TEAD1: variants seen among roughly 807,000 people sequenced by gnomAD.
TEAD1 encodes transcriptional enhancer factor TEF-1.
Under a neutral mutation model 54.9 loss-of-function variants are expected in TEAD1, and 9 were observed. The ratio of observed to expected loss-of-function variants is 0.16; its 90% CI spans 0.10 to 0.29. The LOEUF (loss-of-function observed/expected upper bound fraction) is 0.29. Ranked by LOEUF, TEAD1 falls within the 10% of genes least tolerant of loss-of-function variation. TEAD1 has a pLI of 1.00. For missense variants in TEAD1, 387 were observed against 535.9 expected (o/e 0.72, Z 2.74); for synonymous variants, 200 against 187.8 (o/e 1.07, Z -0.53).
rs571703180 is a variant in TEAD1 at position 12,900,005 on chromosome 11, T to G, written c.700-1935T>G. ...TCCTTCAGGATATATTTCATAGGGTTTTGTGACCAACTGAGTTTGAGAAAC... is the reference window on the plus strand; with the variant it reads ...TCCTTCAGGATATATTTCATAGGGTGTTGTGACCAACTGAGTTTGAGAAAC... On this transcript the variant is annotated intron_variant, in intron 9 of 12. Coordinates refer to ENST00000527636, the MANE Select transcript of TEAD1 (RefSeq NM_021961.6). 2.6e-5 allele frequency among the ~76,000 whole-genome samples: 4 copies of G among 152,370 alleles called. No homozygotes were observed. The East Asian group carries it at 7.7e-4, about 29-fold the overall frequency.
chr11:12,717,141 C>G (rs4501963), intron 2 of TEAD1, among the ~76,000 whole-genome samples: 2 of 152,256 alleles, frequency 1.3e-5, no homozygotes, highest in African/African-American at 4.8e-5. Flanking sequence ...TGTAGTTATA[C>G]TGATCATAGA....
chr11:12,892,447 C>G (rs1948215448), intron 9 of TEAD1, among the ~76,000 whole-genome samples: 1 of 152,142 alleles, frequency 6.6e-6, no homozygotes, highest in Non-Finnish European at 1.5e-5. Context: ...CATTCAAGAC[C>G]AGCCTGGCCA....
chr11:12,790,581 T>C (rs1945778694), intron 3 of TEAD1, among the ~76,000 whole-genome samples: 1 of 152,216 alleles, frequency 6.6e-6, no homozygotes, highest in Non-Finnish European at 1.5e-5. Context: ...TTTCCCCAGG[T>C]TCATCTCCCA....
At chr11:12,804,534 A>G (rs1255298310) in intron 3 of TEAD1, among the ~76,000 whole-genome samples, 1 of 152,214 alleles carries the variant, frequency 6.6e-6, no homozygotes, top group East Asian at 1.9e-4. Flanking sequence ...CTTAGTTAAT[A>G]CCTAAGAGTG....
At chr11:12,768,308 A>C (rs1945248301) in intron 3 of TEAD1, among the ~76,000 whole-genome samples, 1 of 152,220 alleles carries the variant, frequency 6.6e-6, no homozygotes, top group Admixed American at 6.5e-5. Flanking sequence ...TAGAAGAATT[A>C]AATGAACTAA....
At chr11:12,906,183 TTAAGATCTTTC>T (rs1412283242) in intron 10 of TEAD1, among the ~76,000 whole-genome samples, 1 of 152,078 alleles carries the variant, frequency 6.6e-6, no homozygotes, top group East Asian at 1.9e-4. Flanking sequence ...TGTTTATCTG[TTAAGATCTTTC>T]TAAAGAGCCT....
chr11:12,899,546 G>A (rs1003923100), intron 9 of TEAD1, among the ~76,000 whole-genome samples: 2 of 152,226 alleles, frequency 1.3e-5, no homozygotes, highest in South Asian at 2.1e-4. Flanking sequence ...GCTCAAAGAT[G>A]TTCCCTCCTA....
At chr11:12,765,386 C>T (rs977022409) in intron 3 of TEAD1, among the ~76,000 whole-genome samples, 3 of 152,180 alleles carry the variant, frequency 2.0e-5, no homozygotes, top group African/African-American at 7.2e-5. Context: ...GTAGCTGAGT[C>T]TAAAAAGATG....
intron 10 of TEAD1, among the ~76,000 whole-genome samples, chr11:12,906,454 T>G (rs1049945919): frequency 6.6e-6 from 1 of 150,822 alleles, no homozygotes; most frequent in Admixed American, 6.6e-5. Context: ...GGCAGGAGAA[T>G]GGCGTGAACC....
intron 2 of TEAD1, among the ~76,000 whole-genome samples, chr11:12,696,268 T>A (rs1428692464): frequency 6.6e-6 from 1 of 152,240 alleles, no homozygotes; most frequent in Non-Finnish European, 1.5e-5. Flanking sequence ...TAGGACCAGC[T>A]CACCCACCTT....
chr11:12,888,863 A>G (rs1948141512), intron 9 of TEAD1, among the ~76,000 whole-genome samples: 1 of 152,218 alleles, frequency 6.6e-6, no homozygotes, highest in Non-Finnish European at 1.5e-5. Context: ...AAAAGGCTAT[A>G]CGGTCCATTT....
At chr11:12,750,827 ACT>A (rs1944855214) in intron 2 of TEAD1, among the ~76,000 whole-genome samples, 1 of 151,900 alleles carries the variant, frequency 6.6e-6, no homozygotes, top group African/African-American at 2.4e-5. Context: ...TCCCTGAGAA[ACT>A]CTCATTGATC....
chr11:12,816,312 T>C lies in TEAD1; in HGVS notation c.203-45938T>C, dbSNP rs192501336. Among the ~76,000 whole-genome samples the C allele has an allele frequency of 5.3e-5, 8 of 152,328 alleles. 1 individual carries two copies. In the Middle Eastern group the frequency reaches 0.014, roughly 259 times the overall value. Reference sequence around the variant, plus strand: ...GCCCTCTGGAAATCCCCTGTAGGATTTTGGAGGAGCATTCTGAGAACGGTT... The same window carrying C: ...GCCCTCTGGAAATCCCCTGTAGGATCTTGGAGGAGCATTCTGAGAACGGTT... On this transcript the variant is annotated intron_variant, in intron 3 of 12. Transcript: ENST00000527636.
intron 5 of TEAD1, among the ~76,000 whole-genome samples, chr11:12,867,193 T>C (rs568450866): frequency 1.2e-4 from 19 of 152,204 alleles, no homozygotes; most frequent in Admixed American, 9.2e-4. Context: ...AAACGAATCA[T>C]TGTTTTAGAT....
intron 3 of TEAD1, among the ~76,000 whole-genome samples, chr11:12,854,184 T>G (rs1947327287): frequency 6.6e-6 from 1 of 152,200 alleles, no homozygotes; most frequent in African/African-American, 2.4e-5. Context: ...GGATATGCTG[T>G]GGGACTGGTT....
chr11:12,917,176 A>G (rs1948730255), intron 10 of TEAD1, among the ~76,000 whole-genome samples: 1 of 152,172 alleles, frequency 6.6e-6, no homozygotes, highest in African/African-American at 2.4e-5. Context: ...GAGGGAGACA[A>G]AAAAAGACAT....
chr11:12,693,295 A>G (rs1258400164), intron 2 of TEAD1, among the ~76,000 whole-genome samples: 3 of 152,256 alleles, frequency 2.0e-5, no homozygotes, highest in Non-Finnish European at 4.4e-5. Context: ...ACAGAATTTC[A>G]GCCTTCTAGC....
chr11:12,931,636 A>C (rs180802676), intron 12 of TEAD1, among the ~76,000 whole-genome samples: 2 of 152,066 alleles, frequency 1.3e-5, no homozygotes. Context: ...TCTAATTTAT[A>C]CCTTTTACCT....
chr11:12,701,016 A>G (rs773078212), intron 2 of TEAD1, among the ~76,000 whole-genome samples: 18 of 152,176 alleles, frequency 1.2e-4, no homozygotes, highest in Non-Finnish European at 1.6e-4. Flanking sequence ...TAGAGTTTAG[A>G]TTTTGAGCAA....
Sources: allele counts gnomAD v4.1 joint callset (sites outside exome capture counted in the v4.1 genomes callset), GRCh38; gene constraint gnomAD v4.1.1; transcripts MANE v1.5; gene names NCBI Gene and HGNC (gene_info 2026-07-23, HGNC 2026-07-21).